TENM1: variants seen among roughly 807,000 people sequenced by gnomAD.
The protein encoded by TENM1 is teneurin-1.
In TENM1, 35 loss-of-function variants were observed where a neutral mutation model predicts 174.8. The ratio of observed to expected loss-of-function variants is 0.20; its 90% CI spans 0.15 to 0.27. The LOEUF (loss-of-function observed/expected upper bound fraction) is 0.27, where lower values mean the gene tolerates loss of function less well. Among genes scored for constraint, TENM1 ranks in the 10% least tolerant of loss-of-function variants. The pLI is 1.00. For missense variants in TENM1, 1,633 were observed against 2,130.1 expected (o/e 0.77, Z 4.59); for synonymous variants, 781 against 798.7 (o/e 0.98, Z 0.37).
chrX:124,583,587 A>G (rs2148223245), intron 11 of TENM1, among the ~76,000 whole-genome samples: 1 of 111,162 alleles, frequency 9.0e-6, no homozygotes, highest in South Asian at 3.9e-4. Flanking sequence ...AGATGGGGAA[A>G]AAACAGAGCA....
chrX:124,413,937 T>C (rs2060565038), intron 25 of TENM1, among the ~76,000 whole-genome samples: 1 of 111,983 alleles, frequency 8.9e-6, no homozygotes, highest in Non-Finnish European at 1.9e-5. Flanking sequence ...CCCAGAGACA[T>C]GGCTTGTTTA....
chrX:124,450,958 G>C (rs2061028856), intron 23 of TENM1, among the ~76,000 whole-genome samples: 1 of 112,186 alleles, frequency 8.9e-6, no homozygotes, highest in Non-Finnish European at 1.9e-5. Context: ...TTGCAGACAA[G>C]ACCATCCTCT....
intron 11 of TENM1, among the ~76,000 whole-genome samples, chrX:124,611,959 T>C (rs1331876565): frequency 1.8e-5 from 2 of 112,189 alleles, no homozygotes; most frequent in East Asian, 5.6e-4. Flanking sequence ...TGTTTTAATA[T>C]AATATGCCTG....
At chrX:124,455,656 G>A (rs543111313) in intron 22 of TENM1, among the ~76,000 whole-genome samples, 4 of 111,506 alleles carry the variant, frequency 3.6e-5, no homozygotes, top group East Asian at 5.6e-4. Flanking sequence ...TAAACACTAT[G>A]ATTACTAAAT....
intron 14 of TENM1, among the ~76,000 whole-genome samples, chrX:124,559,223 G>A (rs2048758735): frequency 8.9e-6 from 1 of 111,858 alleles, no homozygotes; most frequent in African/African-American, 3.2e-5. Flanking sequence ...ATACATAACT[G>A]AGAAATTCCT....
chrX:124,735,428 A>G (rs191579374), intron 4 of TENM1, among the ~76,000 whole-genome samples: 1 of 112,130 alleles, frequency 8.9e-6, no homozygotes, highest in East Asian at 2.8e-4. Context: ...CAGAATGGCT[A>G]TTATTAAAAA....
intron 27 of TENM1, among the ~76,000 whole-genome samples, chrX:124,393,217 C>T (rs183372392): frequency 2.8e-5 from 3 of 107,289 alleles, no homozygotes; most frequent in East Asian, 2.9e-4. Flanking sequence ...TGGGTTCACA[C>T]AAGATAACCA....
chrX:125,026,165 T>A, the TENM1 span, among the ~76,000 whole-genome samples: 1 of 98,532 alleles, frequency 1.0e-5, no homozygotes, highest in Non-Finnish European at 2.0e-5. Flanking sequence ...AATCCTCCAG[T>A]AAAACCAATA....
chrX:124,384,861 G>C lies in TENM1; in HGVS notation c.6077-7C>G. The C allele has an allele frequency of 8.4e-7, 1 of 1,186,392 alleles. No individual in the cohort carries two copies. Among genetic ancestry groups the C allele is most frequent in the East Asian group, 3.0e-5 (1 of 33,494 alleles). ...TGGCGTCCAATAAGAGGTCCTGCAG[G>C]AACCAAAACAAAAACAGTAAGAAGC... On this transcript the variant is annotated splice_region_variant and splice_polypyrimidine_tract_variant and intron_variant, in intron 29 of 31. Coordinates refer to ENST00000422452, the Ensembl canonical transcript of TENM1.
intron 18 of TENM1, among the ~76,000 whole-genome samples, chrX:124,515,377 G>C (rs2047679718): frequency 9.0e-6 from 1 of 111,230 alleles, no homozygotes; most frequent in Non-Finnish European, 1.9e-5. Context: ...AGAAATAAAA[G>C]GCATCCAAAT....
At chrX:124,667,039 G>A (rs954338636) in intron 6 of TENM1, among the ~76,000 whole-genome samples, 10 of 111,381 alleles carry the variant, frequency 9.0e-5, no homozygotes, top group African/African-American at 2.9e-4. Context: ...CGTGAAACTC[G>A]GTACCTTCTC....
At chrX:124,572,598 C>A (rs961574266) in intron 11 of TENM1, among the ~76,000 whole-genome samples, 2 of 110,418 alleles carry the variant, frequency 1.8e-5, no homozygotes, top group Non-Finnish European at 3.8e-5. Flanking sequence ...AAAAAGGCAA[C>A]CAAAGACATA....
the TENM1 span, among the ~76,000 whole-genome samples, chrX:125,201,558 G>A: frequency 3.6e-5 from 4 of 111,615 alleles, no homozygotes; most frequent in Admixed American, 1.9e-4. Context: ...ATTGTTCTCA[G>A]GACTGGACTC....
At chrX:124,387,097 AAAT>A (rs1206461870) in intron 28 of TENM1, among the ~76,000 whole-genome samples, 3 of 106,146 alleles carry the variant, frequency 2.8e-5, no homozygotes, top group Non-Finnish European at 5.8e-5. Context: ...ATTGTGCATA[AAAT>A]ATTATTATGG....
intron 3 of TENM1, among the ~76,000 whole-genome samples, chrX:124,824,736 C>A (rs1238044661): frequency 1.8e-5 from 2 of 111,951 alleles, no homozygotes; most frequent in Non-Finnish European, 3.8e-5. Flanking sequence ...TTAACCACTG[C>A]AAAGTTGTTC....
At chrX:124,406,916 A>T (rs1403689259) in intron 25 of TENM1, among the ~76,000 whole-genome samples, 1 of 111,634 alleles carries the variant, frequency 9.0e-6, no homozygotes, top group African/African-American at 3.3e-5. Context: ...CTGAGAAGCC[A>T]ATATACTGAC....
chrX:125,135,722 AAAAG>A, the TENM1 span, among the ~76,000 whole-genome samples: 2 of 112,148 alleles, frequency 1.8e-5, no homozygotes, highest in Non-Finnish European at 3.8e-5. Context: ...GCTTTTATTC[AAAAG>A]AAAAGTGTAG....
chrX:124,575,448 C>A (rs1273878392), intron 11 of TENM1, among the ~76,000 whole-genome samples: 1 of 111,753 alleles, frequency 8.9e-6, no homozygotes, highest in Admixed American at 9.5e-5. Context: ...TAGCAACATA[C>A]AAGCAGCATA....
chrX:124,920,147 C>T (rs778691090), intron 1 of TENM1, among the ~76,000 whole-genome samples: 10 of 111,612 alleles, frequency 9.0e-5, no homozygotes, highest in Admixed American at 1.9e-4. Flanking sequence ...ATTCCCTAAA[C>T]ATCATGCTGA....
Sources: gnomAD v4.1 joint callset for allele counts (sites outside exome capture counted in the v4.1 genomes callset) on GRCh38, gnomAD v4.1.1 for gene constraint, MANE v1.5 for transcripts, NCBI Gene and HGNC (gene_info 2026-07-23, HGNC 2026-07-21) for gene names.